ERICH1: variants seen among roughly 807,000 people sequenced by gnomAD.
ERICH1 encodes the protein glutamate-rich protein 1.
A neutral mutation model predicts 39.6 loss-of-function variants in ERICH1; 56 were observed. The observed-to-expected ratio is 1.41, with a 90% CI of 1.14 to 1.77. The LOEUF (loss-of-function observed/expected upper bound fraction) is 1.77. Among genes scored for constraint, ERICH1 ranks in the 40% most tolerant of loss-of-function variants. ERICH1 has a pLI of 0.00. For synonymous variants in ERICH1, 313 were observed against 223.6 expected (o/e 1.40, Z -3.57); for missense variants, 826 against 575.4 (o/e 1.44, Z -4.45).
At chr8:719,598 C>T (rs1307615922) in intron 1 of ERICH1, among the ~76,000 whole-genome samples, 1 of 152,200 alleles carries the variant, frequency 6.6e-6, no homozygotes, top group Non-Finnish European at 1.5e-5. Context: ...TCCTTTTCCT[C>T]CTCAATCTCA....
downstream of ERICH1, among the ~76,000 whole-genome samples, chr8:663,263 G>A (rs1224523636): frequency 6.6e-6 from 1 of 152,142 alleles, no homozygotes; most frequent in Non-Finnish European, 1.5e-5. Flanking sequence ...CCTCCATGCT[G>A]CCCATCTGAG....
At chr8:708,645 G>C (rs13254443) in intron 2 of ERICH1, among the ~76,000 whole-genome samples, 32,057 of 148,136 alleles carry the variant, frequency 0.22, 3,779 homozygotes, top group East Asian at 0.42. Context: ...GCTAGAGGGA[G>C]TGGGGAATGG....
chr8:637,929 GC>G (rs1450691926), intron 3 of ERICH1, among the ~76,000 whole-genome samples: 1 of 152,238 alleles, frequency 6.6e-6, no homozygotes, highest in Non-Finnish European at 1.5e-5. Flanking sequence ...CAGGGGCCAG[GC>G]TTTCTGCTGA....
At chr8:678,988 G>C (rs1450610068) in intron 3 of ERICH1, among the ~76,000 whole-genome samples, 2 of 151,780 alleles carry the variant, frequency 1.3e-5, no homozygotes, top group Non-Finnish European at 2.9e-5. Context: ...ACCCCTCACA[G>C]CTTTGATCCC....
chr8:674,296 CTTTTTTT>C (rs11372589), intron 3 of ERICH1, among the ~76,000 whole-genome samples: 6 of 109,812 alleles, frequency 5.5e-5, no homozygotes, highest in South Asian at 6.8e-4. Flanking sequence ...CAAGTTGTTG[CTTTTTTT>C]TTTTTTTTTT....
rs189338284 is a variant in ERICH1, at chr8:700,202, G to A, written c.170-7590C>T. 2.4e-4 allele frequency among the ~76,000 whole-genome samples: 6 copies of A among 24,558 alleles called. 1 individual carries two copies. Among genetic ancestry groups the A allele is most frequent in the Non-Finnish European group, 4.5e-4 (6 of 13,302 alleles). 16.1% of individuals were successfully genotyped at this position (24,558 alleles called of 152,430 possible). ...ACAGGCCCGCACACGCGCACAGGCC[G>A]GCACAGGCGCACACACCCGCACACG... On this transcript the variant is annotated intron_variant, in intron 2 of 5. Coordinates refer to ENST00000262109, the MANE Select transcript of ERICH1 (RefSeq NM_207332.3).
intron 2 of ERICH1, among the ~76,000 whole-genome samples, chr8:693,199 CACACAG>C (rs1237979534): frequency 2.0e-5 from 3 of 152,026 alleles, no homozygotes; most frequent in Admixed American, 2.0e-4. Flanking sequence ...ACAACAAACA[CACACAG>C]ACACAGACAT....
intron 3 of ERICH1, chr8:627,284 G>T (rs1308375998): frequency 2.2e-6 from 1 of 446,170 alleles, no homozygotes; most frequent in Admixed American, 2.4e-5. Flanking sequence ...ATTGAAAAGG[G>T]GTGTATAACA....
intron 2 of ERICH1, among the ~76,000 whole-genome samples, chr8:705,773 A>T (rs1813131211): frequency 6.6e-6 from 1 of 152,242 alleles, no homozygotes; most frequent in Non-Finnish European, 1.5e-5. Flanking sequence ...GAAAAAGTAA[A>T]ACTACCCGAA....
At chr8:699,811 AT>A (rs1563295513) in intron 2 of ERICH1, among the ~76,000 whole-genome samples, 20 of 65,234 alleles carry the variant, frequency 3.1e-4, no homozygotes, top group Non-Finnish European at 4.2e-4. Flanking sequence ...ACGCGCACAG[AT>A]CCGCACAAGC....
In ERICH1 at chr8:700,348, C is replaced by T. The variant is rs574498710; in HGVS notation, c.170-7736G>A. On this transcript the variant is annotated intron_variant, in intron 2 of 5. Transcript: ENST00000262109. ...ACAGGCCCGCACACGCGCACAGATC[C>T]GCACACGCGCACAGGCCCGCACAGG... Among the ~76,000 whole-genome samples, 296 of 101,042 alleles carry T rather than the reference C, an allele frequency of 2.9e-3. 28 individuals carry two copies. Among genetic ancestry groups the T allele is most frequent in the African/African-American group, 9.2e-3 (277 of 30,064 alleles). The allele number at this position is 101,042 out of a possible 152,430, so 66.3% of individuals were successfully genotyped here. A position where few individuals can be genotyped will look rare whatever the true frequency, so the allele number is the denominator to read the frequency against.
intron 3 of ERICH1, among the ~76,000 whole-genome samples, chr8:629,264 C>G (rs184132966): frequency 1.3e-5 from 2 of 152,096 alleles, no homozygotes; most frequent in Non-Finnish European, 2.9e-5. Flanking sequence ...GTGGAACACA[C>G]AGATGACCAA....
At chr8:650,815 G>A (rs1019934174) in intron 3 of ERICH1, among the ~76,000 whole-genome samples, 16 of 152,372 alleles carry the variant, frequency 1.1e-4, no homozygotes, top group African/African-American at 3.6e-4. Flanking sequence ...GCAAGGGGCT[G>A]CAGCCACCGC....
In ERICH1 at chr8:719,643, C is replaced by T. The variant is rs75777967; in HGVS notation, c.23-3636G>A. Among the ~76,000 whole-genome samples the T allele has an allele frequency of 5.2e-3, 791 of 152,332 alleles. 9 individuals are homozygous for T. The highest frequency in any genetic ancestry group is 0.018 in the African/African-American group (746 of 41,578). ...TCTGGCATCCGCTGGTGGGTCCTGG[C>T]GGTGGCAGACGTCGCTGTGGGCTCC... is the stretch of plus-strand genomic sequence containing the variant. On this transcript the variant is annotated intron_variant, in intron 1 of 5. Transcript: ENST00000262109.
At chr8:720,302 C>T (rs972845348) in intron 1 of ERICH1, among the ~76,000 whole-genome samples, 6 of 152,284 alleles carry the variant, frequency 3.9e-5, no homozygotes, top group Non-Finnish European at 5.9e-5. Context: ...GCGTCACCCA[C>T]GGACATGACC....
intron 1 of ERICH1, among the ~76,000 whole-genome samples, chr8:721,478 G>A (rs1817294632): frequency 6.6e-6 from 1 of 152,216 alleles, no homozygotes; most frequent in African/African-American, 2.4e-5. Flanking sequence ...GCTGACAAGC[G>A]CCGAGCGTGC....
rs531657802 is a variant in ERICH1 at position 729,812 on chromosome 8, AG to A, written c.22+1327del. ...TCACTTTAATTTGGTGAATGGAGAA[AG>A]GTTTTTTTTTTAAGTTGATTAGGTA... On this transcript the variant is annotated intron_variant, in intron 1 of 5. Transcript: ENST00000262109. 2.5e-3 allele frequency among the ~76,000 whole-genome samples: 343 copies of A among 137,466 alleles called. 3 individuals are homozygous for A. The highest frequency in any genetic ancestry group is 8.4e-3 in the African/African-American group (318 of 37,938). The allele number at this position is 137,466 out of a possible 152,430, so 90.2% of individuals were successfully genotyped here. A position where few individuals can be genotyped will look rare whatever the true frequency, so the allele number is the denominator to read the frequency against.
intron 1 of ERICH1, among the ~76,000 whole-genome samples, chr8:728,595 T>C (rs1819333474): frequency 6.6e-6 from 1 of 152,178 alleles, no homozygotes; most frequent in Non-Finnish European, 1.5e-5. Context: ...CTTAATTACA[T>C]GCCAGATATT....
At chr8:664,064 G>T, downstream of ERICH1, 1 of 244,388 alleles carries the variant, frequency 4.1e-6, no homozygotes, top group Non-Finnish European at 6.6e-6. Flanking sequence ...CGGCCTGACT[G>T]ATGCTTTTAA....
Sources: gnomAD v4.1 joint callset for allele counts (sites outside exome capture counted in the v4.1 genomes callset) on GRCh38, gnomAD v4.1.1 for gene constraint, MANE v1.5 for transcripts, NCBI Gene and HGNC (gene_info 2026-07-23, HGNC 2026-07-21) for gene names.